The following CDH18 variants were observed in gnomAD, a reference collection of about 807,000 sequenced individuals.
CDH18 encodes cadherin-18.
Under a neutral mutation model 67.9 loss-of-function variants are expected in CDH18, and 31 were observed. The observed-to-expected ratio is 0.46, with a 90% CI of 0.34 to 0.62. CDH18 has a LOEUF of 0.62. Among genes scored for constraint, CDH18 ranks in the 20% least tolerant of loss-of-function variants. CDH18 has a pLI of 0.01. For missense variants in CDH18, 890 were observed against 975.5 expected (o/e 0.91, Z 1.17); for synonymous variants, 362 against 347.2 (o/e 1.04, Z -0.48).
At chr5:20,122,573 A>G (rs1468884955) in intron 2 of CDH18, among the ~76,000 whole-genome samples, 1 of 152,008 alleles carries the variant, frequency 6.6e-6, no homozygotes, top group Non-Finnish European at 1.5e-5. Context: ...ATATTAAATT[A>G]ATATTTGCTT....
intron 2 of CDH18, among the ~76,000 whole-genome samples, chr5:19,873,720 T>A (rs1200707373): frequency 6.6e-6 from 1 of 152,158 alleles, no homozygotes; most frequent in African/African-American, 2.4e-5. Context: ...CGATCTTGGC[T>A]CACTGCAACC....
rs553475134 is a variant in CDH18, at chr5:20,130,327, G to A, written c.-518+125117C>T. On this transcript the variant is annotated intron_variant, in intron 2 of 14. Coordinates refer to the CDH18 transcript ENST00000507958. ...TCAAAATCCTCTGGGCAGTCTGACA[G>A]GCTGCAGATTTAAGGAAGAGTTGAT... 3.6e-4 allele frequency among the ~76,000 whole-genome samples: 54 copies of A among 151,290 alleles called. No homozygotes were observed. The South Asian group carries it at 7.9e-3, about 22-fold the overall frequency.
At chr5:20,433,784 G>A (rs1450136792) in intron 1 of CDH18, among the ~76,000 whole-genome samples, 1 of 152,002 alleles carries the variant, frequency 6.6e-6, no homozygotes, top group African/African-American at 2.4e-5. Flanking sequence ...GCAGGAAAAT[G>A]TAAAGAAAAA....
intron 1 of CDH18, among the ~76,000 whole-genome samples, chr5:20,303,470 C>T (rs1206644075): frequency 6.6e-6 from 1 of 152,134 alleles, no homozygotes; most frequent in Non-Finnish European, 1.5e-5. Context: ...CACAGGGTTA[C>T]AGGCCAATGA....
chr5:20,179,033 ATAAAC>A (rs1737472176), intron 2 of CDH18, among the ~76,000 whole-genome samples: 1 of 152,152 alleles, frequency 6.6e-6, no homozygotes, highest in African/African-American at 2.4e-5. Flanking sequence ...CTAAACTTAA[ATAAAC>A]TAGTAGCAAT....
chr5:19,809,454 A>T (rs1778404774), intron 3 of CDH18, among the ~76,000 whole-genome samples: 1 of 152,238 alleles, frequency 6.6e-6, no homozygotes, highest in African/African-American at 2.4e-5. Flanking sequence ...GGTGCAGCAC[A>T]GCAACAGGGC....
At chr5:20,294,682 C>T (rs1322433508) in intron 1 of CDH18, among the ~76,000 whole-genome samples, 2 of 152,142 alleles carry the variant, frequency 1.3e-5, no homozygotes, top group Non-Finnish European at 2.9e-5. Flanking sequence ...CTAATCTTAC[C>T]TTGTCTTAAG....
chr5:20,211,560 A>G (rs1740358087), intron 2 of CDH18, among the ~76,000 whole-genome samples: 1 of 152,178 alleles, frequency 6.6e-6, no homozygotes, highest in Non-Finnish European at 1.5e-5. Context: ...AGGAAGGATC[A>G]GGCAGCAACA....
In CDH18 at chr5:19,514,172, G is replaced by A. The variant is rs1052034107; in HGVS notation, c.1512+6485C>T. On this transcript the variant is annotated intron_variant, in intron 10 of 12. Transcript: ENST00000382275. ...TTATCCACGTCCCTACAAAGGACGG[G>A]AACTCATCGTTTTTATGGCTGCATA... Among the ~76,000 whole-genome samples the A allele has an allele frequency of 2.0e-5, 3 of 152,292 alleles. No individual in the cohort carries two copies. The South Asian group carries it at 6.2e-4, about 32-fold the overall frequency.
At chr5:20,492,880 T>G (rs1166845028) in intron 1 of CDH18, among the ~76,000 whole-genome samples, 4 of 152,144 alleles carry the variant, frequency 2.6e-5, no homozygotes, top group African/African-American at 9.7e-5. Flanking sequence ...CATAATATAT[T>G]TATTTAGAAG....
chr5:20,150,136 T>C (rs1750987212), intron 2 of CDH18, among the ~76,000 whole-genome samples: 1 of 152,136 alleles, frequency 6.6e-6, no homozygotes, highest in Non-Finnish European at 1.5e-5. Flanking sequence ...GATTTTTTCA[T>C]GACAATGGGT....
chr5:19,532,227 C>T (rs1297640970), intron 9 of CDH18, among the ~76,000 whole-genome samples: 1 of 151,814 alleles, frequency 6.6e-6, no homozygotes, highest in African/African-American at 2.4e-5. Context: ...AAGTTCTTTC[C>T]AATGAACTTT....
intron 2 of CDH18, among the ~76,000 whole-genome samples, chr5:19,959,946 A>G (rs1455817027): frequency 1.3e-5 from 2 of 152,216 alleles, no homozygotes; most frequent in South Asian, 4.1e-4. Context: ...AAGGTACAGT[A>G]AAAATACAGT....
chr5:20,226,275 G>T (rs1367778104), intron 2 of CDH18, among the ~76,000 whole-genome samples: 1 of 152,036 alleles, frequency 6.6e-6, no homozygotes, highest in Non-Finnish European at 1.5e-5. Flanking sequence ...TTAAGTGAAA[G>T]TATATAAAAT....
chr5:20,041,702 AC>A (rs1740432829), intron 2 of CDH18, among the ~76,000 whole-genome samples: 1 of 152,112 alleles, frequency 6.6e-6, no homozygotes, highest in South Asian at 2.1e-4. Context: ...ATTTTGAGAA[AC>A]TCATTATTTT....
intron 1 of CDH18, among the ~76,000 whole-genome samples, chr5:20,419,667 C>T (rs1356762279): frequency 1.3e-5 from 2 of 149,994 alleles, no homozygotes; most frequent in African/African-American, 2.5e-5. Context: ...TTGGTAGAGA[C>T]GGGGTTTCAC....
intron 6 of CDH18, among the ~76,000 whole-genome samples, chr5:19,592,865 T>C (rs1033087212): frequency 3.3e-5 from 5 of 152,040 alleles, no homozygotes; most frequent in African/African-American, 7.2e-5. Flanking sequence ...CTCCATTCTT[T>C]GATTGTATGA....
At chr5:20,272,895 C>T (rs1445755734) in intron 1 of CDH18, among the ~76,000 whole-genome samples, 2 of 151,990 alleles carry the variant, frequency 1.3e-5, no homozygotes, top group African/African-American at 4.8e-5. Flanking sequence ...TCCATACTCC[C>T]TAATGTGAAA....
In CDH18 at chr5:19,543,898, T is replaced by C; in HGVS notation, c.1361A>G (p.Tyr454Cys). 1 of 1,589,244 alleles carries C rather than the reference T, an allele frequency of 6.3e-7. No homozygotes were observed. Among genetic ancestry groups the C allele is most frequent in the Non-Finnish European group, 8.6e-7 (1 of 1,163,668 alleles). The part of the protein sequence containing the change: ...KVLDREETPW[Y>C]NITVTASEID... ...TTCTGAAGCAGTGACTGTGATGTTG[T>C]ACCATGGAGTTTCTTCTCTGTCGAG... is the stretch of plus-strand genomic sequence containing the variant. The change falls in exon 9 of 13, where the codon TAC becomes TGC. Residue 454 changes from tyrosine to cysteine, a missense_variant. Transcript: ENST00000382275.
Sources: gnomAD v4.1 joint callset for allele counts (sites outside exome capture counted in the v4.1 genomes callset) on GRCh38, gnomAD v4.1.1 for gene constraint, MANE v1.5 for transcripts, NCBI Gene and HGNC (gene_info 2026-07-23, HGNC 2026-07-21) for gene names.